The following CLASP1 variants were observed in gnomAD, a reference collection of about 807,000 sequenced individuals.
CLASP1 encodes cytoplasmic linker associated protein 1.
Under a neutral mutation model 192.3 loss-of-function variants are expected in CLASP1, and 38 were observed. The observed-to-expected ratio is 0.20, with a 90% CI of 0.15 to 0.26. The LOEUF is 0.26. CLASP1 is among the 10% of genes least tolerant of loss of function. CLASP1 has a pLI of 1.00. For missense variants in CLASP1, 1,433 were observed against 1,932.5 expected, an observed-to-expected ratio of 0.74 and a Z score of 4.85; for synonymous variants, 691 against 712.8, an observed-to-expected ratio of 0.97 and a Z score of 0.49.
chr2:121,542,299 C>A (rs2095251106), intron 2 of CLASP1, among the ~76,000 whole-genome samples: 1 of 152,242 alleles, frequency 6.6e-6, no homozygotes, highest in Non-Finnish European at 1.5e-5. Context: ...AGAAAACACA[C>A]TGTATACTAT....
In CLASP1 at chr2:121,410,536, GA is replaced by G. The variant is rs896666720; in HGVS notation, c.2424+329del. 1.3e-3 allele frequency among the ~76,000 whole-genome samples: 194 copies of G among 149,640 alleles called. 3 individuals are homozygous for G. Among genetic ancestry groups the G allele is most frequent in the Non-Finnish European group, 2.2e-4 (15 of 67,252 alleles). ...ACAGAATGGAAAAAAGGAAATGCCAGAAAAAAAAACATGGTTAAAAAGAAAA... is the reference window on the plus strand; with the variant it reads ...ACAGAATGGAAAAAAGGAAATGCCAGAAAAAAAACATGGTTAAAAAGAAAA... On this transcript the variant is annotated intron_variant, in intron 24 of 39. Coordinates refer to ENST00000263710, the Ensembl canonical transcript of CLASP1.
intron 34 of CLASP1, among the ~76,000 whole-genome samples, chr2:121,373,375 AC>A (rs1453804371): frequency 6.6e-6 from 1 of 152,156 alleles, no homozygotes; most frequent in Non-Finnish European, 1.5e-5. Context: ...TTTATAAATT[AC>A]CCAGTCTCAG....
intron 8 of CLASP1, among the ~76,000 whole-genome samples, chr2:121,479,056 C>CACACA (rs1559371349): frequency 3.0e-5 from 3 of 101,210 alleles, no homozygotes; most frequent in African/African-American, 1.4e-4. Flanking sequence ...CACCCCCCCC[C>CACACA]CACACACACA....
At chr2:121,458,215 G>A (rs1436535345) in intron 13 of CLASP1, among the ~76,000 whole-genome samples, 3 of 152,304 alleles carry the variant, frequency 2.0e-5, no homozygotes, top group South Asian at 4.1e-4. Flanking sequence ...ATAGATTTTA[G>A]ACAACATCAT....
Position 121,531,005 on chromosome 2 carries a change from A to G in CLASP1, c.196-680T>C, listed in dbSNP as rs1053541578. 2.9e-5 allele frequency: 20 copies of G among 700,228 alleles called. No homozygotes were observed. Among genetic ancestry groups the G allele is most frequent in the Admixed American group, 1.4e-4 (7 of 49,974 alleles). The allele number at this position is 700,228 out of a possible 1,614,324, so 43.4% of individuals were successfully genotyped here. ...GCTTTATTTTGGTGCAATTTTTGGAAAAATGAAAACCTGTTTTCATAGACT... is the reference window on the plus strand; with the variant it reads ...GCTTTATTTTGGTGCAATTTTTGGAGAAATGAAAACCTGTTTTCATAGACT... On this transcript the variant is annotated intron_variant, in intron 2 of 39. Transcript: ENST00000263710.
Position 121,348,502 on chromosome 2 carries a change from G to A in CLASP1, c.4413+10C>T, listed in dbSNP as rs375420959. Reference sequence around the variant, plus strand: ...GGCCGGGGGCAGGCCCCACCAACACGAGGGCCTACCTGCAGCAAGCCTGGG... The same window carrying A: ...GGCCGGGGGCAGGCCCCACCAACACAAGGGCCTACCTGCAGCAAGCCTGGG... On this transcript the variant is annotated intron_variant, in intron 38 of 39. Coordinates refer to ENST00000263710, the Ensembl canonical transcript of CLASP1. 6.4e-5 allele frequency: 102 copies of A among 1,600,974 alleles called. No individual in the cohort carries two copies. In the African/African-American group the frequency reaches 6.5e-4, roughly 10 times the overall value.
intron 2 of CLASP1, among the ~76,000 whole-genome samples, chr2:121,538,973 A>G (rs2095165306): frequency 6.6e-6 from 1 of 152,140 alleles, no homozygotes; most frequent in South Asian, 2.1e-4. Context: ...GCCAAAATAA[A>G]TATCTGCCCA....
intron 2 of CLASP1, among the ~76,000 whole-genome samples, chr2:121,556,919 G>A (rs562107215): frequency 1.3e-5 from 2 of 152,280 alleles, no homozygotes; most frequent in South Asian, 4.1e-4. Flanking sequence ...AGTACCTGTA[G>A]TACAGTCCTG....
At chr2:121,447,027 G>A (rs1003690224) in intron 19 of CLASP1, among the ~76,000 whole-genome samples, 2 of 152,308 alleles carry the variant, frequency 1.3e-5, no homozygotes, top group Admixed American at 1.3e-4. Flanking sequence ...TGACAATATG[G>A]GAGGTGGCTG....
intron 20 of CLASP1, 122 bp from the exon 21 acceptor site, chr2:121,427,552 A>G (rs550695352): frequency 1.0e-6 from 1 of 961,416 alleles, no homozygotes; most frequent in East Asian, 2.6e-5. Context: ...TTAGCAAAAC[A>G]GCTATATTTC....
intron 19 of CLASP1, chr2:121,445,528 A>G: frequency 8.0e-7 from 1 of 1,246,658 alleles, no homozygotes; most frequent in Non-Finnish European, 1.1e-6. Context: ...ATCAGCTTTA[A>G]TGCTACACTT....
At chr2:121,495,524 G>A (rs2093494573) in intron 8 of CLASP1, among the ~76,000 whole-genome samples, 1 of 152,004 alleles carries the variant, frequency 6.6e-6, no homozygotes, top group African/African-American at 2.4e-5. Context: ...CGCTGGGCAT[G>A]GTGGTGAGCG....
At chr2:121,361,745 C>T (rs1310482982) in intron 37 of CLASP1, among the ~76,000 whole-genome samples, 2 of 152,142 alleles carry the variant, frequency 1.3e-5, no homozygotes, top group Non-Finnish European at 2.9e-5. Flanking sequence ...CTATGTTGAT[C>T]GTACTAGCTC....
chr2:121,469,340 G>T (rs912491194), intron 9 of CLASP1, among the ~76,000 whole-genome samples: 2 of 152,154 alleles, frequency 1.3e-5, no homozygotes, highest in East Asian at 1.9e-4. Flanking sequence ...CCTGCATGCG[G>T]AGTATACACA....
chr2:121,411,485 CG>C (rs1210321892), intron 23 of CLASP1, among the ~76,000 whole-genome samples: 1 of 152,016 alleles, frequency 6.6e-6, no homozygotes, highest in East Asian at 1.9e-4. Flanking sequence ...GATACTTGTT[CG>C]TCACGATGCC....
At chr2:121,346,474 C>T (rs531444730) in intron 39 of CLASP1, among the ~76,000 whole-genome samples, 1 of 152,384 alleles carries the variant, frequency 6.6e-6, no homozygotes, top group South Asian at 2.1e-4. Context: ...TGATTCCAGA[C>T]ACCCTTAAAG....
intron 2 of CLASP1, among the ~76,000 whole-genome samples, chr2:121,581,523 C>A (rs1003810789): frequency 2.1e-4 from 32 of 152,016 alleles, no homozygotes; most frequent in Non-Finnish European, 4.1e-4. Flanking sequence ...ATCCACCCGC[C>A]TCGGCCTCCC....
intron 21 of CLASP1, 84 bp from the exon 22 acceptor site, chr2:121,425,390 A>T: frequency 8.2e-7 from 1 of 1,212,770 alleles, no homozygotes; most frequent in South Asian, 1.5e-5. Context: ...GATTTTACAC[A>T]TTAATTTGGC....
At chr2:121,391,967 T>C (rs1291357198) in intron 30 of CLASP1, among the ~76,000 whole-genome samples, 2 of 152,348 alleles carry the variant, frequency 1.3e-5, no homozygotes, top group African/African-American at 2.4e-5. Context: ...AGCTATTTGA[T>C]AGTAAAACCC....
Sources: allele counts gnomAD v4.1 joint callset (sites outside exome capture counted in the v4.1 genomes callset), GRCh38; gene constraint gnomAD v4.1.1; transcripts MANE v1.5; gene names NCBI Gene and HGNC (gene_info 2026-07-23, HGNC 2026-07-21).